ANKS1A: variants seen among roughly 807,000 people sequenced by gnomAD.
ANKS1A encodes the protein ankyrin repeat and sterile alpha motif domain containing 1A.
A neutral mutation model predicts 120.3 loss-of-function variants in ANKS1A; 55 were observed. The ratio of observed to expected loss-of-function variants is 0.46; its 90% CI spans 0.37 to 0.57. The LOEUF (loss-of-function observed/expected upper bound fraction) is 0.57. ANKS1A is among the 20% of genes least tolerant of loss of function. The pLI is 0.00. For synonymous variants in ANKS1A, 590 were observed against 604.7 expected (o/e 0.98, Z 0.36); for missense variants, 1,123 against 1,480.3 (o/e 0.76, Z 3.96).
intron 1 of ANKS1A, among the ~76,000 whole-genome samples, chr6:34,950,682 G>T (rs745346118): frequency 6.6e-6 from 1 of 151,802 alleles, no homozygotes; most frequent in Non-Finnish European, 1.5e-5. Context: ...AGGCTAGGGG[G>T]ATTCTGGCTA....
intron 1 of ANKS1A, among the ~76,000 whole-genome samples, chr6:34,929,659 T>C (rs1768879926): frequency 1.3e-5 from 2 of 152,226 alleles, no homozygotes; most frequent in East Asian, 3.8e-4. Flanking sequence ...TGATTAACCA[T>C]GACTTTTAAA....
intron 10 of ANKS1A, among the ~76,000 whole-genome samples, chr6:35,010,176 A>G: frequency 6.6e-6 from 1 of 152,162 alleles, no homozygotes; most frequent in Middle Eastern, 3.4e-3. Context: ...CAAAATAATA[A>G]TAATAATTTT....
rs1029279229 is a variant in ANKS1A at position 34,922,517 on chromosome 6, A to G, written c.197+32918A>G. Among the ~76,000 whole-genome samples, 3 of 152,106 alleles carry G rather than the reference A, an allele frequency of 2.0e-5. No homozygotes were observed. The East Asian group carries it at 5.8e-4, about 29-fold the overall frequency. On this transcript the variant is annotated intron_variant, in intron 1 of 23. Coordinates refer to ENST00000360359, the MANE Select transcript of ANKS1A (RefSeq NM_015245.3). ...GGCTTTGCATTTTAAGCAGTTTTGCAGAGGTCATATCTGTCTTTGCAGGAT... is the reference window on the plus strand; with the variant it reads ...GGCTTTGCATTTTAAGCAGTTTTGCGGAGGTCATATCTGTCTTTGCAGGAT...
At chr6:35,021,841 C>A (rs1332957371) in intron 11 of ANKS1A, among the ~76,000 whole-genome samples, 4 of 152,084 alleles carry the variant, frequency 2.6e-5, no homozygotes, top group African/African-American at 9.7e-5. Flanking sequence ...CAAAAACTAG[C>A]CGGGTATGGT....
chr6:34,919,457 G>T (rs926422574), intron 1 of ANKS1A, among the ~76,000 whole-genome samples: 4 of 152,146 alleles, frequency 2.6e-5, no homozygotes, highest in African/African-American at 9.7e-5. Flanking sequence ...TACTGGGAAC[G>T]ATGCCATTTG....
chr6:34,965,238 T>C (rs1161772757), intron 1 of ANKS1A, among the ~76,000 whole-genome samples: 3 of 152,222 alleles, frequency 2.0e-5, no homozygotes, highest in Non-Finnish European at 4.4e-5. Context: ...CTTAACATTA[T>C]AATCTTTTTT....
intron 1 of ANKS1A, among the ~76,000 whole-genome samples, chr6:34,947,652 T>C (rs986748675): frequency 7.9e-5 from 12 of 152,176 alleles, no homozygotes; most frequent in Admixed American, 3.9e-4. Flanking sequence ...AAATTTAAAA[T>C]CTGGAAAACA....
At chr6:34,908,598 A>G (rs2127454826) in intron 1 of ANKS1A, among the ~76,000 whole-genome samples, 1 of 152,334 alleles carries the variant, frequency 6.6e-6, no homozygotes, top group South Asian at 2.1e-4. Context: ...TTGAAAAAAT[A>G]TGTTGTGACA....
chr6:34,902,610 T>C (rs1767410990), intron 1 of ANKS1A, among the ~76,000 whole-genome samples: 1 of 152,054 alleles, frequency 6.6e-6, no homozygotes, highest in Non-Finnish European at 1.5e-5. Flanking sequence ...TTACTAGATA[T>C]GTTTTGTCGA....
chr6:34,904,388 T>G (rs1767529651), intron 1 of ANKS1A, among the ~76,000 whole-genome samples: 1 of 152,238 alleles, frequency 6.6e-6, no homozygotes. Flanking sequence ...GAGGGCTAAC[T>G]GTATTATGTA....
At chr6:35,066,131 C>T (rs1776762470) in intron 13 of ANKS1A, among the ~76,000 whole-genome samples, 1 of 152,184 alleles carries the variant, frequency 6.6e-6, no homozygotes, top group Non-Finnish European at 1.5e-5. Context: ...TTCATTTGAC[C>T]TACTTACTTC....
intron 3 of ANKS1A, among the ~76,000 whole-genome samples, chr6:34,973,679 T>C (rs564416314): frequency 1.3e-5 from 2 of 152,270 alleles, no homozygotes; most frequent in South Asian, 4.2e-4. Flanking sequence ...TTTTGAGAAA[T>C]AGTGATTTAG....
At chr6:35,037,025 G>A (rs930898643) in intron 11 of ANKS1A, among the ~76,000 whole-genome samples, 11 of 152,220 alleles carry the variant, frequency 7.2e-5, no homozygotes, top group African/African-American at 2.4e-4. Flanking sequence ...ATGCATGTGA[G>A]CACACAGTTA....
chr6:35,041,502 A>G (rs557062535), intron 11 of ANKS1A, among the ~76,000 whole-genome samples: 1 of 151,848 alleles, frequency 6.6e-6, no homozygotes, highest in Non-Finnish European at 1.5e-5. Context: ...AAATTTGTAC[A>G]CTCCATAATT....
At chr6:35,055,432 C>T (rs1309437003) in intron 12 of ANKS1A, among the ~76,000 whole-genome samples, 1 of 151,898 alleles carries the variant, frequency 6.6e-6, no homozygotes, top group Non-Finnish European at 1.5e-5. Flanking sequence ...TGGGTTCAAG[C>T]GTTTCTCCTG....
chr6:34,900,099 C>T (rs778339001), intron 1 of ANKS1A, among the ~76,000 whole-genome samples: 7 of 152,214 alleles, frequency 4.6e-5, no homozygotes, highest in South Asian at 2.1e-4. Flanking sequence ...AGTTTACCTA[C>T]ACAACATGCC....
intron 10 of ANKS1A, among the ~76,000 whole-genome samples, chr6:35,014,974 G>T (rs1456567268): frequency 6.6e-6 from 1 of 152,188 alleles, no homozygotes; most frequent in East Asian, 1.9e-4. Context: ...TCACTGGGTA[G>T]CTTTGTTCTG....
intron 1 of ANKS1A, among the ~76,000 whole-genome samples, chr6:34,952,537 CTCTT>C (rs1333206246): frequency 6.6e-6 from 1 of 152,164 alleles, no homozygotes; most frequent in Non-Finnish European, 1.5e-5. Context: ...TTCTTAAAAA[CTCTT>C]TGACAGATAG....
At chr6:35,055,057 G>C (rs1776146351) in intron 12 of ANKS1A, among the ~76,000 whole-genome samples, 3 of 152,250 alleles carry the variant, frequency 2.0e-5, no homozygotes, top group African/African-American at 7.2e-5. Context: ...GACACCTCTA[G>C]TTCCTCCATG....
Sources: gnomAD v4.1 joint callset for allele counts (sites outside exome capture counted in the v4.1 genomes callset) on GRCh38, gnomAD v4.1.1 for gene constraint, MANE v1.5 for transcripts, NCBI Gene and HGNC (gene_info 2026-07-23, HGNC 2026-07-21) for gene names.